Variants in SOS1 observed in about 807,000 individuals in gnomAD.
SOS1 encodes the protein son of sevenless homolog 1.
In SOS1, 25 loss-of-function variants were observed where a neutral mutation model predicts 157.6. The ratio of observed to expected loss-of-function variants is 0.16; its 90% CI spans 0.12 to 0.22. SOS1 has a LOEUF of 0.22. Among genes scored for constraint, SOS1 ranks in the 10% least tolerant of loss-of-function variants. The pLI, the probability that SOS1 is intolerant of heterozygous loss-of-function variation, is 1.00. For synonymous variants in SOS1, 528 were observed against 534.0 expected (o/e 0.99, Z 0.16); for missense variants, 1,237 against 1,599.1 (o/e 0.77, Z 3.86).
chr2:39,104,585 A>G (rs967155356), intron 1 of SOS1, among the ~76,000 whole-genome samples: 4 of 152,210 alleles, frequency 2.6e-5, no homozygotes, highest in Non-Finnish European at 4.4e-5. Context: ...AATTACAAAA[A>G]CAACCCAGCA....
intron 3 of SOS1, among the ~76,000 whole-genome samples, chr2:39,057,940 C>T (rs553157540): frequency 2.0e-5 from 3 of 152,012 alleles, no homozygotes; most frequent in Non-Finnish European, 4.4e-5. Flanking sequence ...GTTACTTAAT[C>T]ACTTTCTGCC....
At chr2:39,083,305 A>G (rs1040184622) in intron 1 of SOS1, among the ~76,000 whole-genome samples, 1 of 152,148 alleles carries the variant, frequency 6.6e-6, no homozygotes, top group South Asian at 2.1e-4. Context: ...TGAAGCACCT[A>G]CATCCAAGCA....
At position 39,120,497 on chromosome 2, in the gene SOS1, C is replaced by G. The variant is rs574307611; in HGVS notation, c.-75G>C. 36 of 1,375,572 alleles carry G rather than the reference C, an allele frequency of 2.6e-5. No individual in the cohort carries two copies. Among genetic ancestry groups the G allele is most frequent in the South Asian group, 1.7e-4 (11 of 65,514 alleles). 85.2% of individuals were successfully genotyped at this position (1,375,572 alleles called of 1,614,324 possible). ...CCAGGGAGCCGCGAGAGGGCGAGCT[C>G]GCAGCGCGGAACAGGGCCGCGGCCC... is the stretch of plus-strand genomic sequence containing the variant. On this transcript the variant is annotated 5_prime_UTR_variant, in exon 1 of 23. Transcript: ENST00000402219.
intron 2 of SOS1, among the ~76,000 whole-genome samples, chr2:39,064,922 G>A: frequency 6.8e-6 from 1 of 147,232 alleles, no homozygotes; most frequent in Non-Finnish European, 1.5e-5. Flanking sequence ...TAATTTTTTT[G>A]TATTTTTTTT....
rs1053088254 is a variant in SOS1 at position 39,035,195 on chromosome 2, A to G, written c.1074+17T>C. Reference sequence around the variant, plus strand: ...ACACTTGAATATGTTACAAATAACAATAAAGAGTTTTCTTACCTTCAAAAG... The same window carrying G: ...ACACTTGAATATGTTACAAATAACAGTAAAGAGTTTTCTTACCTTCAAAAG... On this transcript the variant is annotated intron_variant, in intron 8 of 22. Coordinates refer to ENST00000402219, the MANE Select transcript of SOS1 (RefSeq NM_005633.4). The G allele has an allele frequency of 4.5e-6, 7 of 1,561,184 alleles. No homozygotes were observed. The highest frequency in any genetic ancestry group is 6.2e-6 in the Non-Finnish European group (7 of 1,133,562).
At chr2:39,050,041 T>C (rs1419890400) in intron 6 of SOS1, among the ~76,000 whole-genome samples, 2 of 152,222 alleles carry the variant, frequency 1.3e-5, no homozygotes, top group African/African-American at 4.8e-5. Context: ...TCTAGTTATA[T>C]ATATATTCCA....
chr2:39,007,889 G>A (rs1371948952), intron 15 of SOS1, among the ~76,000 whole-genome samples: 2 of 152,020 alleles, frequency 1.3e-5, no homozygotes, highest in Non-Finnish European at 2.9e-5. Context: ...AGAGCAAATG[G>A]CAAAAGAAAC....
intron 1 of SOS1, among the ~76,000 whole-genome samples, chr2:39,118,870 T>A (rs1435049619): frequency 2.0e-5 from 3 of 152,240 alleles, no homozygotes; most frequent in African/African-American, 4.8e-5. Context: ...TTAAACAACG[T>A]CTGTCAACTC....
chr2:39,022,773 C>T lies in SOS1; in HGVS notation c.1655G>A (p.Arg552Lys), dbSNP rs397517154. Reference protein sequence around the residue: ...ISLQYRSTLERMLDVTMLQEE... With the variant: ...ISLQYRSTLEKMLDVTMLQEE... ...CTGTAGCATTGTTACATCAAGCATC[C>T]TTTCCAGTGTACTCCGGTACTGTAA... is the stretch of plus-strand genomic sequence containing the variant. Residue 552 changes from arginine to lysine, a missense_variant, in exon 10 of 23, where the codon AGG (arginine) becomes AAG (lysine). Coordinates refer to ENST00000402219, the MANE Select transcript of SOS1 (RefSeq NM_005633.4). The T allele has an allele frequency of 6.2e-7, 1 of 1,613,738 alleles. No homozygotes were observed. The highest frequency in any genetic ancestry group is 8.5e-7 in the Non-Finnish European group (1 of 1,179,724).
chr2:39,120,524 A>G lies in SOS1; in HGVS notation c.-102T>C. 6.1e-6 allele frequency: 7 copies of G among 1,145,538 alleles called. No individual in the cohort carries two copies. Among genetic ancestry groups the G allele is most frequent in the Non-Finnish European group, 6.4e-6 (6 of 933,680 alleles). The allele number at this position is 1,145,538 out of a possible 1,614,324, so 71.0% of individuals were successfully genotyped here. A position where few individuals can be genotyped will look rare whatever the true frequency, so the allele number is the denominator to read the frequency against. ...CAGCGCGGAACAGGGCCGCGGCCCC[A>G]CCGGACGGCCCGGCCCCCTCCGGGC... On this transcript the variant is annotated 5_prime_UTR_variant, in exon 1 of 23. Coordinates refer to ENST00000402219, the MANE Select transcript of SOS1 (RefSeq NM_005633.4).
At chr2:39,081,047 G>T (rs773689300) in intron 1 of SOS1, among the ~76,000 whole-genome samples, 1 of 151,724 alleles carries the variant, frequency 6.6e-6, no homozygotes, top group Non-Finnish European at 1.5e-5. Flanking sequence ...AAAAAAATTA[G>T]CTGGGTTTGG....
At chr2:39,118,854 G>A (rs1673758303) in intron 1 of SOS1, among the ~76,000 whole-genome samples, 1 of 152,196 alleles carries the variant, frequency 6.6e-6, no homozygotes, top group Admixed American at 6.5e-5. Flanking sequence ...CACCAGTGTG[G>A]CAGAATTAAA....
upstream of SOS1, chr2:39,124,391 G>C (rs1674003238): frequency 6.6e-6 from 1 of 152,276 alleles, no homozygotes; most frequent in African/African-American, 2.4e-5. Flanking sequence ...CACGGCGGAC[G>C]TGACGCACGA....
rs377302966 is a variant in SOS1, at chr2:39,029,843, G to A, written c.1074+5369C>T. Among the ~76,000 whole-genome samples, 134 of 152,070 alleles carry A rather than the reference G, an allele frequency of 8.8e-4. 1 individual carries two copies. In the South Asian group the frequency reaches 0.015, roughly 17 times the overall value. ...AAGAATTTCTGAATTTAGAAAGCTG[G>A]TTCAAGGGAATGTACACTAGAGAGA... is the stretch of plus-strand genomic sequence containing the variant. On this transcript the variant is annotated intron_variant, in intron 8 of 22. Transcript: ENST00000402219.
rs556822145 is a variant in SOS1, at chr2:39,018,320, T to C, written c.1859-3474A>G. Among the ~76,000 whole-genome samples, 37 of 151,922 alleles carry C rather than the reference T, an allele frequency of 2.4e-4. No individual in the cohort carries two copies. In the South Asian group the frequency reaches 7.5e-3, roughly 31 times the overall value. ...CAACCAAAACTTTTTCTACAGTTTT[T>C]CCCCCTCATCATTAGAGATAACATT... On this transcript the variant is annotated intron_variant, in intron 10 of 22. Coordinates refer to ENST00000402219, the MANE Select transcript of SOS1 (RefSeq NM_005633.4).
chr2:39,037,286 T>G (rs992127766), intron 6 of SOS1, among the ~76,000 whole-genome samples: 2 of 152,238 alleles, frequency 1.3e-5, no homozygotes, highest in African/African-American at 2.4e-5. Context: ...ACTAAAAATG[T>G]GAAGAGATGC....
intron 6 of SOS1, among the ~76,000 whole-genome samples, chr2:39,042,447 G>A (rs1316195623): frequency 8.6e-5 from 13 of 151,672 alleles, no homozygotes; most frequent in South Asian, 4.2e-4. Flanking sequence ...TCTGTCACCC[G>A]GGCTGGAGTG....
At chr2:39,064,470 ATTTC>A (rs1671521032) in intron 2 of SOS1, among the ~76,000 whole-genome samples, 1 of 152,174 alleles carries the variant, frequency 6.6e-6, no homozygotes. Context: ...AGGATTCAGT[ATTTC>A]TTTAATACAC....
intron 13 of SOS1, 96 bp downstream of exon 13, chr2:39,013,364 A>G: frequency 1.2e-6 from 1 of 816,228 alleles, no homozygotes; most frequent in Admixed American, 1.8e-5. Context: ...TATTATAAAC[A>G]TCTTACATTA....
Sources: gnomAD v4.1 joint callset for allele counts (sites outside exome capture counted in the v4.1 genomes callset) on GRCh38, gnomAD v4.1.1 for gene constraint, MANE v1.5 for transcripts, NCBI Gene and HGNC (gene_info 2026-07-23, HGNC 2026-07-21) for gene names.